KLHL18: variants seen among roughly 807,000 people sequenced by gnomAD.
KLHL18 encodes the protein kelch-like protein 18.
In KLHL18, 38 loss-of-function variants were observed where a neutral mutation model predicts 58.5. The ratio of observed to expected loss-of-function variants is 0.65; its 90% confidence interval spans 0.50 to 0.85. The LOEUF is 0.85. KLHL18 is among the 40% of genes least tolerant of loss of function. The pLI, the probability that KLHL18 is intolerant of heterozygous loss-of-function variation, is 0.00. For missense variants in KLHL18, 624 were observed against 778.4 expected (o/e 0.80, Z 2.36); for synonymous variants, 303 against 301.9 (o/e 1.00, Z -0.04).
intron 1 of KLHL18, among the ~76,000 whole-genome samples, chr3:47,306,201 T>TA (rs780928334): frequency 6.6e-6 from 1 of 152,120 alleles, no homozygotes; most frequent in Non-Finnish European, 1.5e-5. Context: ...CTGCTTTAGA[T>TA]ATGTTGTATT....
At chr3:47,297,908 G>C (rs1240423242) in intron 1 of KLHL18, among the ~76,000 whole-genome samples, 1 of 152,168 alleles carries the variant, frequency 6.6e-6, no homozygotes, top group Non-Finnish European at 1.5e-5. Flanking sequence ...AGAAAGGAGA[G>C]AGCTGACTGC....
Position 47,329,877 on chromosome 3 carries a change from A to G in KLHL18, c.402-74A>G, listed in dbSNP as rs1576176265. The G allele has an allele frequency of 3.0e-6, 4 of 1,347,104 alleles. No individual in the cohort carries two copies. The East Asian group carries it at 9.2e-5, about 31-fold the overall frequency. 83.4% of individuals were successfully genotyped at this position (1,347,104 alleles called of 1,614,324 possible). Reference sequence around the variant, plus strand: ...TTGTTTTCATTCTGTGGCTCTACCCAGAACCAGCCTGAGAATGATCAAAGA... The same window carrying G: ...TTGTTTTCATTCTGTGGCTCTACCCGGAACCAGCCTGAGAATGATCAAAGA... On this transcript the variant is annotated intron_variant, in intron 3 of 9. Transcript: ENST00000232766.
intron 1 of KLHL18, among the ~76,000 whole-genome samples, chr3:47,317,755 A>T (rs1451046677): frequency 6.6e-6 from 1 of 152,234 alleles, no homozygotes; most frequent in Non-Finnish European, 1.5e-5. Flanking sequence ...TATTGGAAAG[A>T]TAGGGAGAGT....
At chr3:47,333,343 A>G (rs769450326) in intron 5 of KLHL18, 26 bp downstream of exon 5, 1 of 1,605,746 alleles carries the variant, frequency 6.2e-7, no homozygotes, top group Non-Finnish European at 8.5e-7. Context: ...CCTGCACAGG[A>G]CACTGCCAAA....
intron 1 of KLHL18, among the ~76,000 whole-genome samples, chr3:47,310,488 C>G (rs1340440604): frequency 6.6e-6 from 1 of 152,176 alleles, no homozygotes; most frequent in African/African-American, 2.4e-5. Flanking sequence ...AGTTCTCTCC[C>G]TGAATGATCT....
At chr3:47,325,180 TTTC>T (rs1559499263) in intron 3 of KLHL18, among the ~76,000 whole-genome samples, 2 of 152,178 alleles carry the variant, frequency 1.3e-5, no homozygotes, top group Non-Finnish European at 2.9e-5. Context: ...TTTTCTTTTT[TTTC>T]TTTTTTTTTT....
chr3:47,323,605 C>A (rs115426087), intron 3 of KLHL18, among the ~76,000 whole-genome samples: 1 of 152,196 alleles, frequency 6.6e-6, no homozygotes, highest in South Asian at 2.1e-4. Flanking sequence ...TCTCCCTCCC[C>A]CTCAAGAGCC....
chr3:47,286,891 G>A (rs1702687159), intron 1 of KLHL18, among the ~76,000 whole-genome samples: 1 of 152,146 alleles, frequency 6.6e-6, no homozygotes, highest in Non-Finnish European at 1.5e-5. Flanking sequence ...GTCTTCTGTG[G>A]TGCCCTGGTT....
chr3:47,319,205 T>C (rs1389357184), intron 1 of KLHL18, among the ~76,000 whole-genome samples: 1 of 152,160 alleles, frequency 6.6e-6, no homozygotes, highest in Non-Finnish European at 1.5e-5. Context: ...AGTCACTACA[T>C]ATTTACTCTT....
intron 1 of KLHL18, among the ~76,000 whole-genome samples, chr3:47,296,637 G>C (rs1469802022): frequency 1.3e-5 from 2 of 152,192 alleles, no homozygotes; most frequent in African/African-American, 4.8e-5. Flanking sequence ...GTTTGTGACT[G>C]TTGCATGGAA....
chr3:47,338,394 A>G (rs1256992510), intron 7 of KLHL18: 1 of 152,226 alleles, frequency 6.6e-6, no homozygotes, highest in Non-Finnish European at 1.5e-5. Flanking sequence ...GATCATGTCT[A>G]GTAAATTTGT....
rs147230256 is a variant in KLHL18, at chr3:47,311,624, G to A, written c.130-8029G>A. Among the ~76,000 whole-genome samples the A allele has an allele frequency of 4.4e-3, 665 of 152,194 alleles. 3 individuals are homozygous for A. The highest frequency in any genetic ancestry group is 0.015 in the African/African-American group (631 of 41,532). On this transcript the variant is annotated intron_variant, in intron 1 of 9. Coordinates refer to ENST00000232766, the MANE Select transcript of KLHL18 (RefSeq NM_025010.5). ...GGAGAATCACTTGAACCCGAGAGGCGGAGATTGCAGTGAGCCGAGATTGCG... is the reference window on the plus strand; with the variant it reads ...GGAGAATCACTTGAACCCGAGAGGCAGAGATTGCAGTGAGCCGAGATTGCG...
At position 47,309,604 on chromosome 3, in the gene KLHL18, C is replaced by G. The variant is rs563362604; in HGVS notation, c.130-10049C>G. Among the ~76,000 whole-genome samples the G allele has an allele frequency of 1.4e-4, 21 of 152,292 alleles. No homozygotes were observed. The East Asian group carries it at 3.9e-3, about 28-fold the overall frequency. On this transcript the variant is annotated intron_variant, in intron 1 of 9. Transcript: ENST00000232766. ...CTCACTTCCCAGACGGGTTGGCGGC[C>G]GGGCAGAGGCTGCAATCTCGGCACT... is the stretch of plus-strand genomic sequence containing the variant.
chr3:47,292,334 C>A (rs1191096010), intron 1 of KLHL18, among the ~76,000 whole-genome samples: 1 of 151,918 alleles, frequency 6.6e-6, no homozygotes, highest in South Asian at 2.1e-4. Flanking sequence ...ATTAGCCAGG[C>A]GTGGTGTCGC....
intron 1 of KLHL18, among the ~76,000 whole-genome samples, chr3:47,313,204 C>T (rs550890665): frequency 2.0e-4 from 30 of 150,444 alleles, no homozygotes; most frequent in African/African-American, 2.9e-4. Context: ...CCACCGTGCC[C>T]GGCCTAATTT....
chr3:47,292,502 G>T (rs530193823), intron 1 of KLHL18, among the ~76,000 whole-genome samples: 2 of 151,352 alleles, frequency 1.3e-5, no homozygotes, highest in African/African-American at 2.4e-5. Context: ...CAAAAAATAA[G>T]CTCAAGAACA....
chr3:47,300,703 G>A (rs571680623), intron 1 of KLHL18, among the ~76,000 whole-genome samples: 18 of 122,640 alleles, frequency 1.5e-4, no homozygotes, highest in South Asian at 2.7e-4. Context: ...GCAATGGTGC[G>A]ATCTCAGCTC....
At chr3:47,296,886 A>G (rs1269889259) in intron 1 of KLHL18, among the ~76,000 whole-genome samples, 1 of 152,374 alleles carries the variant, frequency 6.6e-6, no homozygotes. Flanking sequence ...TAGACTGCTA[A>G]GAAACACCTG....
chr3:47,293,012 G>A (rs1375863161), intron 1 of KLHL18, among the ~76,000 whole-genome samples: 1 of 151,892 alleles, frequency 6.6e-6, no homozygotes, highest in Non-Finnish European at 1.5e-5. Context: ...ATTACACTAA[G>A]TGAAATAAGC....
Sources: allele counts gnomAD v4.1 joint callset (sites outside exome capture counted in the v4.1 genomes callset), GRCh38; gene constraint gnomAD v4.1.1; transcripts MANE v1.5; gene names NCBI Gene and HGNC (gene_info 2026-07-23, HGNC 2026-07-21).